ATG2B: variants seen among roughly 807,000 people sequenced by gnomAD.
ATG2B encodes autophagy related 2B.
A neutral mutation model predicts 241.3 loss-of-function variants in ATG2B; 121 were observed. That is an observed-to-expected ratio of 0.50 (90% confidence interval 0.43 to 0.58). ATG2B has a LOEUF of 0.58. Among genes scored for constraint, ATG2B ranks in the 20% least tolerant of loss-of-function variants. The pLI is 0.00. For synonymous variants in ATG2B, 858 were observed against 876.6 expected (o/e 0.98, Z 0.37); for missense variants, 2,306 against 2,491.6 (o/e 0.93, Z 1.59).
At chr14:96,332,715 T>A in intron 8 of ATG2B, 60 bp from the exon 9 acceptor site, 2 of 1,358,176 alleles carry the variant, frequency 1.5e-6, no homozygotes, top group Non-Finnish European at 2.0e-6. Context: ...GTCTTTTAAG[T>A]AAGTTAATAT....
chr14:96,304,871 G>A (rs902970864), intron 31 of ATG2B, among the ~76,000 whole-genome samples: 8 of 152,068 alleles, frequency 5.3e-5, no homozygotes, highest in South Asian at 2.1e-4. Flanking sequence ...GCTGGGATCC[G>A]TATCACAGGA....
chr14:96,315,871 T>C (rs963927246), intron 21 of ATG2B, among the ~76,000 whole-genome samples: 5 of 152,148 alleles, frequency 3.3e-5, no homozygotes, highest in Non-Finnish European at 7.4e-5. Flanking sequence ...CTCAGGTAAC[T>C]GCTCAAAAAA....
Position 96,341,547 on chromosome 14 carries a change from T to C in ATG2B, c.899A>G (p.Gln300Arg), listed in dbSNP as rs1446985146. Residue 300 changes from glutamine to arginine, a missense_variant, in exon 6 of 42, where the codon CAG (glutamine) becomes CGG (arginine). Physicochemically the swap from Gln to Arg is conservative, Grantham distance 43. This residue lies in a region of ATG2B where 1,927 missense variants were observed against 2,011.2 expected (regional missense o/e 0.96). Transcript: ENST00000359933. Reference protein sequence around the residue: ...GRLELSLTLKQNEVLPGAKLD... With the variant: ...GRLELSLTLKRNEVLPGAKLD... ...CTTAGCTCCAGGAAGCACTTCATTC[T>C]GTTTCAACGTGAGACTCAACTCCAA... is the stretch of plus-strand genomic sequence containing the variant. The C allele has an allele frequency of 5.6e-6, 9 of 1,595,872 alleles. No homozygotes were observed. In the Admixed American group the frequency reaches 8.6e-5, roughly 15 times the overall value.
rs1886433524 is a variant in ATG2B at position 96,289,751 on chromosome 14, G to A, written c.5911C>T (p.Pro1971Ser). The A allele has an allele frequency of 1.2e-6, 2 of 1,614,128 alleles. No individual in the cohort carries two copies. Among genetic ancestry groups the A allele is most frequent in the Non-Finnish European group, 1.7e-6 (2 of 1,180,022 alleles). ...TGAGGAAACCTTTTGGTCTTCTTGG[G>A]CTCGATAGAAAGGGTACCAGGAGAC... ...MVSPGTLSIE[P>S]KKTKRFPHHR... The change falls in exon 41 of 42, where the codon CCC becomes TCC. Residue 1971 changes from proline (P) to serine (S), a missense_variant. Pro to Ser is a moderately conservative substitution (Grantham distance 74). This residue lies in a region of ATG2B where 379 missense variants were observed against 480.4 expected (regional missense o/e 0.79). Transcript: ENST00000359933. This position sits in a 1 kb window ranked among gnomAD's most constrained non-coding sequence, Gnocchi z 4.3.
intron 23 of ATG2B, among the ~76,000 whole-genome samples, chr14:96,314,670 CTGTTTTGTTTTGTTTTGTTTTGTTT>C (rs67718533): frequency 4.0e-4 from 60 of 151,466 alleles, no homozygotes; most frequent in Middle Eastern, 3.4e-3. Flanking sequence ...GGTGATAATA[CTGTTTTGTTTTGTTTTGTTTTGTTT>C]TGTTTTGTTT....
intron 36 of ATG2B, among the ~76,000 whole-genome samples, chr14:96,294,593 G>A (rs981858743): frequency 6.6e-6 from 1 of 152,146 alleles, no homozygotes; most frequent in Admixed American, 6.6e-5. Context: ...AAGACAGACA[G>A]GCATAGCCAG....
At position 96,347,164 on chromosome 14, in the gene ATG2B, A is replaced by G. The variant is rs1351964298; in HGVS notation, c.325+15T>C. 2.6e-6 allele frequency: 4 copies of G among 1,562,070 alleles called. No individual in the cohort carries two copies. In the Admixed American group the frequency reaches 5.1e-5, roughly 20 times the overall value. On this transcript the variant is annotated intron_variant, in intron 2 of 41. Transcript: ENST00000359933. ...GAATAAAAACACATAAAACAGAAACATACAACACACCAACCTGGGCGAGGT... is the reference window on the plus strand; with the variant it reads ...GAATAAAAACACATAAAACAGAAACGTACAACACACCAACCTGGGCGAGGT...
chr14:96,293,602 T>C lies in ATG2B; in HGVS notation c.5426+1358A>G, dbSNP rs138808579. Among the ~76,000 whole-genome samples, 646 of 152,336 alleles carry C rather than the reference T, an allele frequency of 4.2e-3. 26 individuals are homozygous for C. The South Asian group carries it at 0.067, about 16-fold the overall frequency. ...GAGATAAGAAAATCTGTGTTCTAGT[T>C]GTGCCTTGGCCACGAACTGTGGTCT... On this transcript the variant is annotated intron_variant, in intron 36 of 41. Transcript: ENST00000359933.
chr14:96,363,249 A>T lies in ATG2B; in HGVS notation c.-273T>A. On this transcript the variant is annotated 5_prime_UTR_variant, in exon 1 of 42. Coordinates refer to ENST00000359933, the MANE Select transcript of ATG2B (RefSeq NM_018036.7). ...AACCGGCTCGGAGAGAGTGCAAGAG[A>T]GCGCGAGAGGAGGCGGCAGGGGCTG... The T allele has an allele frequency of 2.6e-6, 1 of 385,736 alleles. No homozygotes were observed. Among genetic ancestry groups the T allele is most frequent in the Non-Finnish European group, 4.7e-6 (1 of 211,976 alleles). The allele number at this position is 385,736 out of a possible 1,614,324, so 23.9% of individuals were successfully genotyped here. A position where few individuals can be genotyped will look rare whatever the true frequency, so the allele number is the denominator to read the frequency against.
At chr14:96,347,595 T>C (rs139260283) in intron 1 of ATG2B, among the ~76,000 whole-genome samples, 105 of 152,276 alleles carry the variant, frequency 6.9e-4, no homozygotes, top group African/African-American at 2.4e-3. Context: ...GACCCAGGAT[T>C]ACTAATCAGA....
intron 6 of ATG2B, among the ~76,000 whole-genome samples, chr14:96,339,952 T>A (rs1213604922): frequency 6.6e-6 from 1 of 150,782 alleles, no homozygotes; most frequent in Non-Finnish European, 1.5e-5. Flanking sequence ...CAATTCCACA[T>A]AAGGTATATA....
At chr14:96,323,763 T>TC (rs1187162658) in intron 16 of ATG2B, 133 bp downstream of exon 16, 1 of 690,996 alleles carries the variant, frequency 1.4e-6, no homozygotes, top group African/African-American at 1.8e-5. Flanking sequence ...CACCCAATCA[T>TC]CACGCTTATG....
At chr14:96,296,853 A>G (rs1425493844) in intron 34 of ATG2B, among the ~76,000 whole-genome samples, 2 of 152,124 alleles carry the variant, frequency 1.3e-5, no homozygotes, top group South Asian at 2.1e-4. Context: ...CAAAATATTT[A>G]GTGGCACGCC....
chr14:96,350,147 C>T (rs1358631584), intron 1 of ATG2B, among the ~76,000 whole-genome samples: 1 of 152,048 alleles, frequency 6.6e-6, no homozygotes, highest in Non-Finnish European at 1.5e-5. Flanking sequence ...CTTAGTAAGA[C>T]CCTGTCTCAA....
At chr14:96,324,598 G>A (rs1887542554) in intron 15 of ATG2B, among the ~76,000 whole-genome samples, 1 of 152,140 alleles carries the variant, frequency 6.6e-6, no homozygotes, top group Non-Finnish European at 1.5e-5. Context: ...AGGAGATGAA[G>A]ATTGCAGTGA....
In ATG2B at chr14:96,280,543, T is replaced by C. The variant is rs570084505; in HGVS notation, c.*5212A>G. The C allele has an allele frequency of 1.3e-4, 20 of 152,292 alleles. No homozygotes were observed. The highest frequency in any genetic ancestry group is 3.4e-3 in the Middle Eastern group (1 of 294). 9.4% of individuals were successfully genotyped at this position (152,292 alleles called of 1,614,324 possible). A position where few individuals can be genotyped will look rare whatever the true frequency, so the allele number is the denominator to read the frequency against. On this transcript the variant is annotated 3_prime_UTR_variant, in exon 42 of 42. Coordinates refer to ENST00000359933, the MANE Select transcript of ATG2B (RefSeq NM_018036.7). ...CCCTAATTGTTCAAAGTGGATGTTATATAGTCACATCTGTCACAACAAAAT... is the reference window on the plus strand; with the variant it reads ...CCCTAATTGTTCAAAGTGGATGTTACATAGTCACATCTGTCACAACAAAAT...
intron 6 of ATG2B, among the ~76,000 whole-genome samples, chr14:96,335,185 TA>T: frequency 6.6e-6 from 1 of 152,358 alleles, no homozygotes; most frequent in African/African-American, 2.4e-5. Context: ...TTATTCTCTA[TA>T]TTACATTCTA....
chr14:96,333,964 G>T, intron 7 of ATG2B, 91 bp from the exon 8 acceptor site: 1 of 1,106,200 alleles, frequency 9.0e-7, no homozygotes, highest in Non-Finnish European at 1.3e-6. Flanking sequence ...GAACAACAAT[G>T]GCAACTTAAC....
chr14:96,308,264 ATATATATATATATATATATTTTT>A (rs1566719866), intron 29 of ATG2B, among the ~76,000 whole-genome samples: 51 of 12,616 alleles, frequency 4.0e-3, no homozygotes, highest in African/African-American at 0.019. Context: ...ACACATATAT[ATATATATATATATATATATTTTT>A]TTTTTTTTTT....
Sources: gnomAD v4.1 joint callset for allele counts (sites outside exome capture counted in the v4.1 genomes callset) on GRCh38, gnomAD v4.1.1 for gene constraint, gnomAD v4.1.1 regional missense constraint, Gnocchi (gnomAD v3.1) non-coding constraint, MANE v1.5 for transcripts, NCBI Gene and HGNC (gene_info 2026-07-23, HGNC 2026-07-21) for gene names.